Variants in ACVR2A observed in about 807,000 individuals in gnomAD.
ACVR2A encodes the protein activin receptor type-2A.
ACVR2A carries 7 observed loss-of-function variants against 61.4 expected under a neutral mutation model. The observed-to-expected ratio is 0.11, with a 90% CI of 0.06 to 0.21. ACVR2A has a LOEUF of 0.21. ACVR2A is among the 10% of genes least tolerant of loss of function. The pLI, the probability that ACVR2A is intolerant of heterozygous loss-of-function variation, is 1.00. For synonymous variants in ACVR2A, 193 were observed against 208.3 expected (o/e 0.93, Z 0.63); for missense variants, 322 against 621.7 (o/e 0.52, Z 5.13).
chr2:147,862,179 A>G (rs1302248911), intron 1 of ACVR2A, among the ~76,000 whole-genome samples: 14 of 152,084 alleles, frequency 9.2e-5, no homozygotes, highest in Admixed American at 9.2e-4. Flanking sequence ...TTTGCAGATA[A>G]TCTTTGTACC....
At chr2:147,865,408 T>G (rs2113794) in intron 1 of ACVR2A, among the ~76,000 whole-genome samples, 58,896 of 151,968 alleles carry the variant, frequency 0.39, 11,886 homozygotes, top group South Asian at 0.5. Context: ...ATTCTTATTA[T>G]ATTTGATTAT....
intron 1 of ACVR2A, among the ~76,000 whole-genome samples, chr2:147,859,955 G>A (rs1158645222): frequency 1.3e-5 from 2 of 152,032 alleles, no homozygotes; most frequent in African/African-American, 4.8e-5. Context: ...AGCTATGTAC[G>A]ACTTCCTTTG....
chr2:147,912,955 C>T (rs1687153168), intron 4 of ACVR2A, among the ~76,000 whole-genome samples: 1 of 151,612 alleles, frequency 6.6e-6, no homozygotes, highest in Non-Finnish European at 1.5e-5. Flanking sequence ...TGTTACTATA[C>T]AATATTGAAT....
chr2:147,862,334 CTA>C (rs1685745859), intron 1 of ACVR2A, among the ~76,000 whole-genome samples: 1 of 151,550 alleles, frequency 6.6e-6, no homozygotes, highest in South Asian at 2.1e-4. Context: ...GATGTTGTAA[CTA>C]TAAATCCACA....
chr2:147,920,982 C>T (rs75389811), intron 8 of ACVR2A, among the ~76,000 whole-genome samples: 5,853 of 152,164 alleles, frequency 0.038, 174 homozygotes, highest in Non-Finnish European at 0.059. Flanking sequence ...TTCTCAGAAA[C>T]TTTGAGGCTG....
At chr2:147,916,330 A>G (rs1465070180) in intron 5 of ACVR2A, among the ~76,000 whole-genome samples, 1 of 151,906 alleles carries the variant, frequency 6.6e-6, no homozygotes, top group East Asian at 1.9e-4. Flanking sequence ...TAAAGCTCAG[A>G]GAAAGGCATT....
At chr2:147,891,122 T>C (rs1463007135) in intron 1 of ACVR2A, among the ~76,000 whole-genome samples, 1 of 152,184 alleles carries the variant, frequency 6.6e-6, no homozygotes, top group Non-Finnish European at 1.5e-5. Context: ...TGAAATCCTC[T>C]CTAAAAATAT....
chr2:147,923,215 T>A (rs1687428465), intron 9 of ACVR2A, 104 bp downstream of exon 9: 3 of 1,282,110 alleles, frequency 2.3e-6, no homozygotes, highest in East Asian at 2.5e-5. Flanking sequence ...AGTTTTTTTT[T>A]AATTGACTCC....
chr2:147,869,360 C>T (rs541817040), intron 1 of ACVR2A, among the ~76,000 whole-genome samples: 7 of 126,764 alleles, frequency 5.5e-5, no homozygotes, highest in East Asian at 2.3e-4. Flanking sequence ...TCTTCCTTGA[C>T]GTTTGCTTAT....
intron 1 of ACVR2A, among the ~76,000 whole-genome samples, chr2:147,870,504 C>G (rs1476392950): frequency 6.6e-6 from 1 of 152,152 alleles, no homozygotes; most frequent in African/African-American, 2.4e-5. Context: ...TTTGGCCTGT[C>G]TAGTACCCTG....
intron 1 of ACVR2A, among the ~76,000 whole-genome samples, chr2:147,891,785 A>T (rs959704797): frequency 8.5e-5 from 13 of 152,098 alleles, no homozygotes; most frequent in Non-Finnish European, 1.9e-4. Context: ...ATCTTTACAT[A>T]AAAAAATTGC....
intron 4 of ACVR2A, among the ~76,000 whole-genome samples, chr2:147,910,853 G>A (rs1687095121): frequency 6.6e-6 from 1 of 152,126 alleles, no homozygotes; most frequent in Admixed American, 6.6e-5. Context: ...AAGTAGGTTT[G>A]ATAATATTCT....
Position 147,929,675 on chromosome 2 carries a change from GT to G in ACVR2A, c.*2404del. The G allele has an allele frequency of 6.6e-6, 1 of 152,190 alleles. No individual in the cohort carries two copies. Among genetic ancestry groups the G allele is most frequent in the South Asian group, 2.1e-4 (1 of 4,806 alleles). The allele number at this position is 152,190 out of a possible 1,614,324, so 9.4% of individuals were successfully genotyped here. ...TCTTTTGCAGGGTATTTAGTGTTTG[GT>G]TTACAGTCAGTGCAGAGTGGGCAAG... On this transcript the variant is annotated 3_prime_UTR_variant, in exon 11 of 11. Transcript: ENST00000241416.
intron 1 of ACVR2A, among the ~76,000 whole-genome samples, chr2:147,854,287 G>T (rs944508968): frequency 2.0e-5 from 3 of 152,096 alleles, no homozygotes; most frequent in Admixed American, 6.5e-5. Context: ...GCATTAAAAA[G>T]AAACAATGGA....
intron 6 of ACVR2A, 150 bp from the exon 7 acceptor site, chr2:147,918,296 AC>A (rs2105216759): frequency 3.9e-6 from 2 of 516,678 alleles, no homozygotes; most frequent in East Asian, 6.8e-5. Flanking sequence ...GGAAATTTGA[AC>A]CATTTGAACC....
At chr2:147,894,566 GTCACATT>G (rs1435714748) in intron 1 of ACVR2A, among the ~76,000 whole-genome samples, 2 of 151,772 alleles carry the variant, frequency 1.3e-5, no homozygotes, top group African/African-American at 4.8e-5. Context: ...TCTAAATACT[GTCACATT>G]TCATTATTCA....
intron 4 of ACVR2A, chr2:147,902,764 A>G (rs1316988034): frequency 6.6e-6 from 1 of 151,998 alleles, no homozygotes; most frequent in African/African-American, 2.4e-5. Context: ...TAGGAGAAGT[A>G]GGAGAGAGAT....
At chr2:147,889,506 A>C (rs966173179) in intron 1 of ACVR2A, among the ~76,000 whole-genome samples, 3 of 152,076 alleles carry the variant, frequency 2.0e-5, no homozygotes, top group African/African-American at 7.2e-5. Flanking sequence ...GCACTTTGGG[A>C]GGCTGAGGCG....
intron 4 of ACVR2A, among the ~76,000 whole-genome samples, chr2:147,908,106 A>G (rs532300908): frequency 1.3e-5 from 2 of 152,152 alleles, no homozygotes; most frequent in Admixed American, 6.5e-5. Flanking sequence ...AAGTATATAA[A>G]CTACATTTAA....
Sources: allele counts gnomAD v4.1 joint callset (sites outside exome capture counted in the v4.1 genomes callset), GRCh38; gene constraint gnomAD v4.1.1; transcripts MANE v1.5; gene names NCBI Gene and HGNC (gene_info 2026-07-23, HGNC 2026-07-21).